Variants in SCN9A observed in about 807,000 individuals in gnomAD.
SCN9A encodes the protein sodium voltage-gated channel alpha subunit 9, also known as sodium channel protein type 9 subunit alpha.
In SCN9A, 131 loss-of-function variants were observed where a neutral mutation model predicts 187.0. The ratio of observed to expected loss-of-function variants is 0.70; its 90% CI spans 0.61 to 0.81. SCN9A has a LOEUF of 0.81. SCN9A is among the 30% of genes least tolerant of loss of function. The probability of loss-of-function intolerance (pLI) is 0.00; values close to 1 mark genes in which losing one functional copy is unlikely to be tolerated. For synonymous variants in SCN9A, 809 were observed against 808.6 expected (o/e 1.00, Z -0.01); for missense variants, 2,252 against 2,396.6 (o/e 0.94, Z 1.26).
intron 7 of SCN9A, chr2:166,302,265 C>A (rs1698588111): frequency 7.0e-6 from 1 of 143,620 alleles, no homozygotes; most frequent in Non-Finnish European, 1.5e-5. Context: ...TATCTTCATC[C>A]AATATTCATC....
intron 21 of SCN9A, among the ~76,000 whole-genome samples, chr2:166,232,872 T>G (rs1328809641): frequency 1.4e-5 from 2 of 147,668 alleles, no homozygotes; most frequent in African/African-American, 4.9e-5. Context: ...TATTAATATA[T>G]AATAGTATAT....
At chr2:166,236,269 A>G (rs763149994) in intron 20 of SCN9A, among the ~76,000 whole-genome samples, 5 of 152,172 alleles carry the variant, frequency 3.3e-5, no homozygotes, top group Non-Finnish European at 7.4e-5. Context: ...AATCATTACT[A>G]TATCCGAAGT....
intron 16 of SCN9A, chr2:166,276,677 T>C (rs1697250308): frequency 5.9e-6 from 1 of 168,844 alleles, no homozygotes; most frequent in Non-Finnish European, 1.3e-5. Flanking sequence ...TTATATTTTA[T>C]TTACTAGTAT....
At chr2:166,359,042 C>A (rs1261969389) in intron 1 of SCN9A, among the ~76,000 whole-genome samples, 2 of 152,108 alleles carry the variant, frequency 1.3e-5, no homozygotes, top group Non-Finnish European at 2.9e-5. Context: ...TAAGATGCTA[C>A]CTTTATAATT....
intron 16 of SCN9A, among the ~76,000 whole-genome samples, chr2:166,273,082 G>T (rs1697076040): frequency 6.6e-6 from 1 of 152,018 alleles, no homozygotes; most frequent in African/African-American, 2.4e-5. Flanking sequence ...ACTAGCCCCT[G>T]CAGACTCAGC....
chr2:166,260,539 T>C (rs1696462452), intron 17 of SCN9A, among the ~76,000 whole-genome samples: 1 of 151,894 alleles, frequency 6.6e-6, no homozygotes, highest in African/African-American at 2.4e-5. Flanking sequence ...TTCTGTGTTA[T>C]AATTTTTTGT....
intron 17 of SCN9A, among the ~76,000 whole-genome samples, chr2:166,265,918 G>A (rs1696714395): frequency 6.6e-6 from 1 of 151,094 alleles, no homozygotes; most frequent in Non-Finnish European, 1.5e-5. Flanking sequence ...TGTTTTTTTT[G>A]TCGTTGTTGA....
intron 24 of SCN9A, among the ~76,000 whole-genome samples, chr2:166,216,903 A>T (rs1694354021): frequency 6.6e-6 from 1 of 152,104 alleles, no homozygotes; most frequent in Non-Finnish European, 1.5e-5. Flanking sequence ...TGAATAAAAT[A>T]AAAAAGATGC....
chr2:166,370,368 T>C (rs1414976369), intron 1 of SCN9A, among the ~76,000 whole-genome samples: 6 of 150,590 alleles, frequency 4.0e-5, no homozygotes, highest in Admixed American at 2.0e-4. Context: ...ATGGTGAAAC[T>C]CCGTCTCTAC....
intron 1 of SCN9A, among the ~76,000 whole-genome samples, chr2:166,369,319 A>G (rs7582061): frequency 0.3 from 46,324 of 152,032 alleles, 9,755 homozygotes; most frequent in African/African-American, 0.6. Flanking sequence ...TTTGAACTCA[A>G]ATTTATTTAT....
chr2:166,320,516 A>T (rs1292128326), intron 1 of SCN9A, among the ~76,000 whole-genome samples: 2 of 152,132 alleles, frequency 1.3e-5, no homozygotes, highest in East Asian at 3.8e-4. Context: ...ACACACTGCA[A>T]ACACTCAAAG....
intron 24 of SCN9A, among the ~76,000 whole-genome samples, chr2:166,214,307 A>G (rs957660270): frequency 1.3e-5 from 2 of 152,002 alleles, no homozygotes; most frequent in South Asian, 4.2e-4. Context: ...GGATCAGACC[A>G]TCTTCCAACT....
chr2:166,299,358 A>G (rs1245802114), intron 7 of SCN9A, among the ~76,000 whole-genome samples: 1 of 150,304 alleles, frequency 6.7e-6, no homozygotes, highest in Non-Finnish European at 1.5e-5. Context: ...CCTACCACTT[A>G]CCCAAATTTT....
chr2:166,244,106 G>A (rs960796661), intron 18 of SCN9A, among the ~76,000 whole-genome samples: 3 of 152,016 alleles, frequency 2.0e-5, no homozygotes, highest in African/African-American at 4.8e-5. Flanking sequence ...GAGCTGACTC[G>A]GCAGGTAATG....
intron 25 of SCN9A, 62 bp downstream of exon 25, chr2:166,204,298 A>T: frequency 6.4e-7 from 1 of 1,557,594 alleles, no homozygotes; most frequent in Non-Finnish European, 8.8e-7. Flanking sequence ...AAAGATGTGC[A>T]TTAAAAATGA....
At chr2:166,294,843 C>T (rs1447715719) in intron 7 of SCN9A, 181 bp from the exon 8 acceptor site, 2 of 443,098 alleles carry the variant, frequency 4.5e-6, no homozygotes, top group Non-Finnish European at 8.1e-6. Flanking sequence ...TTGATAATCT[C>T]TTAGAGGCTA....
At chr2:166,236,625 G>GT (rs1459227567) in intron 20 of SCN9A, among the ~76,000 whole-genome samples, 52 of 152,060 alleles carry the variant, frequency 3.4e-4, no homozygotes, top group Non-Finnish European at 1.2e-4. Context: ...GTTTCACCAT[G>GT]TTGGCCAGGC....
intron 1 of SCN9A, among the ~76,000 whole-genome samples, chr2:166,367,982 C>A (rs988174577): frequency 2.0e-5 from 3 of 152,150 alleles, no homozygotes; most frequent in Non-Finnish European, 4.4e-5. Flanking sequence ...TATTTTAGCT[C>A]CATTAAGGGT....
chr2:166,239,282 G>C (rs1184167567), intron 19 of SCN9A, among the ~76,000 whole-genome samples: 1 of 149,880 alleles, frequency 6.7e-6, no homozygotes, highest in Non-Finnish European at 1.5e-5. Context: ...GATCTCAACA[G>C]GTCTAAAGTG....
Sources: allele counts gnomAD v4.1 joint callset (sites outside exome capture counted in the v4.1 genomes callset), GRCh38; gene constraint gnomAD v4.1.1; transcripts MANE v1.5; gene names NCBI Gene and HGNC (gene_info 2026-07-23, HGNC 2026-07-21).